The following GNA13 variants were observed in gnomAD, a reference collection of about 807,000 sequenced individuals.
GNA13 encodes G protein subunit alpha 13, also known as guanine nucleotide-binding protein subunit alpha-13.
A neutral mutation model predicts 33.5 loss-of-function variants in GNA13; 4 were observed. That is an observed-to-expected ratio of 0.12 (90% CI 0.06 to 0.27). The LOEUF is 0.27. Ranked by LOEUF, GNA13 falls within the 10% of genes least tolerant of loss-of-function variation. GNA13 has a pLI of 1.00. For synonymous variants in GNA13, 176 were observed against 183.8 expected (o/e 0.96, Z 0.34); for missense variants, 319 against 487.2 (o/e 0.65, Z 3.25).
intron 2 of GNA13, among the ~76,000 whole-genome samples, chr17:65,042,488 AC>A (rs1393500902): frequency 6.6e-6 from 1 of 152,120 alleles, no homozygotes; most frequent in East Asian, 1.9e-4. Context: ...TATAATCCCA[AC>A]ACTTTGGGAG....
At chr17:65,044,894 T>A (rs1907600725) in intron 2 of GNA13, among the ~76,000 whole-genome samples, 1 of 151,310 alleles carries the variant, frequency 6.6e-6, no homozygotes, top group African/African-American at 2.4e-5. Flanking sequence ...AATACAAAAA[T>A]TAGCCAGGCA....
At chr17:65,039,020 G>A (rs1907363316) in intron 2 of GNA13, among the ~76,000 whole-genome samples, 1 of 152,186 alleles carries the variant, frequency 6.6e-6, no homozygotes, top group South Asian at 2.1e-4. Flanking sequence ...ACCAGGGACT[G>A]TCTGTATGCC....
intron 2 of GNA13, among the ~76,000 whole-genome samples, chr17:65,038,033 G>C (rs1160693563): frequency 6.6e-6 from 1 of 152,032 alleles, no homozygotes; most frequent in Non-Finnish European, 1.5e-5. Flanking sequence ...TCTCAACCTA[G>C]TACTTAAGCT....
intron 2 of GNA13, among the ~76,000 whole-genome samples, chr17:65,027,874 G>A (rs954022501): frequency 9.9e-5 from 15 of 152,202 alleles, no homozygotes; most frequent in African/African-American, 3.6e-4. Context: ...AGAGGTCAAG[G>A]TGGGCAGATT....
chr17:65,015,616 T>C (rs145353467), intron 3 of GNA13, among the ~76,000 whole-genome samples: 2,861 of 133,156 alleles, frequency 0.021, 90 homozygotes, highest in African/African-American at 0.077. Context: ...TGAGCTGAGA[T>C]CATGCCACTG....
chr17:65,018,115 A>G (rs1906441381), intron 3 of GNA13, 138 bp downstream of exon 3: 31 of 178,396 alleles, frequency 1.7e-4, no homozygotes, highest in African/African-American at 3.0e-4. Flanking sequence ...AAAAAAAAAA[A>G]AAAAAAAAAA....
In GNA13 at chr17:65,010,871, T is replaced by C. The variant is rs1252187435; in HGVS notation, c.*3386A>G. 1 of 207,926 alleles carries C rather than the reference T, an allele frequency of 4.8e-6. No individual in the cohort carries two copies. Among genetic ancestry groups the C allele is most frequent in the African/African-American group, 2.3e-5 (1 of 43,940 alleles). The allele number at this position is 207,926 out of a possible 1,614,324, so 12.9% of individuals were successfully genotyped here. On this transcript the variant is annotated 3_prime_UTR_variant, in exon 4 of 4. Transcript: ENST00000439174. ...ACAAACTGCAATGGAGAGAATCTTG[T>C]TTCAAATGGCTTAGTTTGGGGTTTT...
At chr17:65,037,507 CT>C (rs897062037) in intron 2 of GNA13, among the ~76,000 whole-genome samples, 2 of 152,168 alleles carry the variant, frequency 1.3e-5, no homozygotes, top group African/African-American at 4.8e-5. Context: ...CCACTGACCA[CT>C]TTTTTCTTCT....
At chr17:65,018,228 A>G (rs781774302) in intron 3 of GNA13, 25 bp downstream of exon 3, 31 of 1,342,888 alleles carry the variant, frequency 2.3e-5, no homozygotes, top group Non-Finnish European at 3.1e-5. Context: ...GGCACTAAAC[A>G]TAAACATTTG....
At chr17:65,030,412 T>C (rs1040902383) in intron 2 of GNA13, among the ~76,000 whole-genome samples, 1 of 152,246 alleles carries the variant, frequency 6.6e-6, no homozygotes, top group African/African-American at 2.4e-5. Flanking sequence ...TATGTTCTAA[T>C]GATTAATACC....
Position 65,026,741 on chromosome 17 carries a change from T to C in GNA13, c.511-8438A>G, listed in dbSNP as rs926812794. ...ATGTAACAGTGGTTATAAAGACATA[T>C]ACATGAACCTTTTCCAAGCACATTC... is the stretch of plus-strand genomic sequence containing the variant. On this transcript the variant is annotated intron_variant, in intron 2 of 3. Transcript: ENST00000439174. Among the ~76,000 whole-genome samples, 6 of 152,158 alleles carry C rather than the reference T, an allele frequency of 3.9e-5. No individual in the cohort carries two copies. The East Asian group carries it at 7.7e-4, about 20-fold the overall frequency.
chr17:65,053,984 G>A (rs1907949639), intron 1 of GNA13, among the ~76,000 whole-genome samples: 1 of 152,106 alleles, frequency 6.6e-6, no homozygotes, highest in Non-Finnish European at 1.5e-5. Flanking sequence ...TTTTTAACAT[G>A]TTCCAATTTA....
intron 2 of GNA13, chr17:65,053,260 A>C: frequency 2.1e-6 from 1 of 467,228 alleles, no homozygotes; most frequent in Non-Finnish European, 3.8e-6. Flanking sequence ...CTAGAAATTC[A>C]TTTATGTTTC....
At position 65,009,978 on chromosome 17, in the gene GNA13, G is replaced by A. The variant is rs1906125383; in HGVS notation, c.*4279C>T. Among the ~76,000 whole-genome samples the A allele has an allele frequency of 6.6e-6, 1 of 152,068 alleles. No individual in the cohort carries two copies. The highest frequency in any genetic ancestry group is 1.5e-5 in the Non-Finnish European group (1 of 68,026). ...CACTGACTGAAATTTTATGCACACT[G>A]AGTTCCAGCATACTCTGATCCACCT... On this transcript the variant is annotated 3_prime_UTR_variant, in exon 4 of 4. Transcript: ENST00000439174.
rs557622395 is a variant in GNA13 at position 65,050,074 on chromosome 17, C to T, written c.510+3428G>A. 1.8e-3 allele frequency among the ~76,000 whole-genome samples: 276 copies of T among 152,278 alleles called. 2 individuals carry two copies. Among genetic ancestry groups the T allele is most frequent in the African/African-American group, 6.3e-3 (261 of 41,552 alleles). On this transcript the variant is annotated intron_variant, in intron 2 of 3. Transcript: ENST00000439174. ...ACAGGTAAGCTAGCTAGAGTCTTTA[C>T]TCCCACAAAAAAGCTGAGCTCTGTT...
chr17:65,023,761 C>T (rs543073723), intron 2 of GNA13, among the ~76,000 whole-genome samples: 1 of 152,268 alleles, frequency 6.6e-6, no homozygotes, highest in Non-Finnish European at 1.5e-5. Context: ...ACAGTTCCAA[C>T]AGCATCTTTC....
chr17:65,029,025 G>A (rs1906905530), intron 2 of GNA13, among the ~76,000 whole-genome samples: 1 of 152,218 alleles, frequency 6.6e-6, no homozygotes, highest in African/African-American at 2.4e-5. Flanking sequence ...TCACCTGAAT[G>A]AGAAACATAA....
intron 2 of GNA13, 121 bp from the exon 3 acceptor site, chr17:65,018,424 A>G (rs2143773319): frequency 1.5e-6 from 1 of 680,138 alleles, no homozygotes; most frequent in Non-Finnish European, 2.7e-6. Context: ...TTAGTCACCA[A>G]TTTCAGACAG....
chr17:65,021,213 T>A (rs191484722), intron 2 of GNA13, among the ~76,000 whole-genome samples: 1 of 152,204 alleles, frequency 6.6e-6, no homozygotes, highest in Non-Finnish European at 1.5e-5. Flanking sequence ...AGCCCCAAGA[T>A]AGACTTTATT....
Sources: allele counts gnomAD v4.1 joint callset (sites outside exome capture counted in the v4.1 genomes callset), GRCh38; gene constraint gnomAD v4.1.1; transcripts MANE v1.5; gene names NCBI Gene and HGNC (gene_info 2026-07-23, HGNC 2026-07-21).